MED12L: variants seen among roughly 807,000 people sequenced by gnomAD.
MED12L encodes mediator complex subunit 12L.
Under a neutral mutation model 281.3 loss-of-function variants are expected in MED12L, and 60 were observed. The ratio of observed to expected loss-of-function variants is 0.21; its 90% confidence interval spans 0.17 to 0.26. The LOEUF (loss-of-function observed/expected upper bound fraction) is 0.26, where lower values mean the gene tolerates loss of function less well. Ranked by LOEUF, MED12L falls within the 10% of genes least tolerant of loss-of-function variation. The pLI is 1.00. For synonymous variants in MED12L, 974 were observed against 987.2 expected, an observed-to-expected ratio of 0.99 and a Z score of 0.25; for missense variants, 2,146 against 2,680.9, an observed-to-expected ratio of 0.80 and a Z score of 4.41.
intron 2 of MED12L, among the ~76,000 whole-genome samples, chr3:151,109,209 C>T (rs1711511599): frequency 6.6e-6 from 1 of 152,082 alleles, no homozygotes; most frequent in Non-Finnish European, 1.5e-5. Context: ...CCACCAGCCA[C>T]CACGCCCGGC....
chr3:151,107,876 G>A (rs760379215), intron 2 of MED12L, among the ~76,000 whole-genome samples: 4 of 152,064 alleles, frequency 2.6e-5, no homozygotes, highest in Middle Eastern at 3.2e-3. Flanking sequence ...GCATTCAAAC[G>A]CAGATCCATG....
chr3:151,225,984 G>A (rs1730417537), intron 16 of MED12L, among the ~76,000 whole-genome samples: 1 of 152,112 alleles, frequency 6.6e-6, no homozygotes, highest in Non-Finnish European at 1.5e-5. Context: ...CTTTGCCAAG[G>A]CCTTTTGTTC....
chr3:151,282,766 C>T (rs1338963333), intron 16 of MED12L, among the ~76,000 whole-genome samples: 3 of 152,128 alleles, frequency 2.0e-5, no homozygotes, highest in Non-Finnish European at 1.5e-5. Context: ...ATGTCACGCT[C>T]AGGACTTCCT....
At chr3:151,094,267 G>C (rs961194931) in intron 2 of MED12L, among the ~76,000 whole-genome samples, 2 of 152,212 alleles carry the variant, frequency 1.3e-5, no homozygotes, top group African/African-American at 4.8e-5. Flanking sequence ...GAGGTTCTGG[G>C]AACACCATTC....
intron 1 of MED12L, among the ~76,000 whole-genome samples, chr3:151,086,172 C>T (rs1719149872): frequency 6.6e-6 from 1 of 152,196 alleles, no homozygotes; most frequent in African/African-American, 2.4e-5. Flanking sequence ...GCCTCGGCGC[C>T]TGCCCGGAGC....
chr3:151,374,429 TC>T (rs1166742755), intron 27 of MED12L, among the ~76,000 whole-genome samples: 1 of 152,142 alleles, frequency 6.6e-6, no homozygotes, highest in Non-Finnish European at 1.5e-5. Context: ...ATGCCTGTCA[TC>T]CCAGCTACTT....
intron 5 of MED12L, among the ~76,000 whole-genome samples, chr3:151,154,920 T>C (rs1257459494): frequency 1.3e-5 from 2 of 152,250 alleles, no homozygotes; most frequent in African/African-American, 4.8e-5. Context: ...CTAGTATTTG[T>C]TCGTCTTTTC....
Position 151,160,056 on chromosome 3 carries a change from T to C in MED12L, c.1062T>C (p.Cys354=), listed in dbSNP as rs1360827487. The C allele has an allele frequency of 3.1e-6, 5 of 1,613,894 alleles. No homozygotes were observed. The African/African-American group carries it at 5.3e-5, about 17-fold the overall frequency. ...VQLAFSDFLS[C]AQHGPLVYGL... ...TGGCCTTCTCAGATTTTCTTTCCTG[T>C]GCACAGCATGGTCCCCTGGTTTATG... The change falls in exon 8 of 45, where the codon TGT becomes TGC. Residue 354 remains cysteine (C), a synonymous_variant. Coordinates refer to ENST00000687756, the MANE Select transcript of MED12L (RefSeq NM_001393769.1).
At chr3:151,338,161 C>T (rs1751281983) in intron 16 of MED12L, 5 of 1,613,900 alleles carry the variant, frequency 3.1e-6, no homozygotes, top group Admixed American at 1.7e-5. Context: ...TTCCTGGGGA[C>T]TTTACCTACA....
chr3:151,366,073 A>C, intron 23 of MED12L, 82 bp downstream of exon 23: 1 of 1,171,326 alleles, frequency 8.5e-7, no homozygotes, highest in Non-Finnish European at 1.2e-6. Flanking sequence ...TTTGGCTTTT[A>C]TTTAATTGAT....
At chr3:151,182,342 A>G (rs1423620772) in intron 11 of MED12L, among the ~76,000 whole-genome samples, 1 of 150,844 alleles carries the variant, frequency 6.6e-6, no homozygotes, top group Non-Finnish European at 1.5e-5. Context: ...GGGCCTGCTG[A>G]GTGGCTTTAT....
intron 16 of MED12L, among the ~76,000 whole-genome samples, chr3:151,242,816 C>T (rs2149391790): frequency 6.6e-6 from 1 of 151,612 alleles, no homozygotes; most frequent in Non-Finnish European, 1.5e-5. Context: ...TCAAATTACT[C>T]TGAGCTACGG....
chr3:151,092,018 G>T (rs1317462314), intron 2 of MED12L, among the ~76,000 whole-genome samples: 2 of 152,152 alleles, frequency 1.3e-5, no homozygotes, highest in Non-Finnish European at 2.9e-5. Context: ...GGATGCTGGG[G>T]GTCTCCTGTT....
intron 39 of MED12L, among the ~76,000 whole-genome samples, chr3:151,401,372 G>A (rs937607718): frequency 1.3e-5 from 2 of 151,636 alleles, no homozygotes; most frequent in East Asian, 1.9e-4. Flanking sequence ...ACCTGAACAT[G>A]GAAATGCTGA....
chr3:151,347,852 A>G (rs747183871), intron 16 of MED12L, among the ~76,000 whole-genome samples: 12 of 152,154 alleles, frequency 7.9e-5, no homozygotes, highest in Non-Finnish European at 1.6e-4. Flanking sequence ...AGAGGTTTAG[A>G]AAGGTTTATT....
chr3:151,114,675 C>T (rs190436864), intron 2 of MED12L, among the ~76,000 whole-genome samples: 165 of 151,866 alleles, frequency 1.1e-3, no homozygotes, highest in African/African-American at 3.7e-3. Context: ...AAATCTCTCC[C>T]TCTTATTCTT....
chr3:151,119,547 C>T (rs565887178), intron 3 of MED12L, among the ~76,000 whole-genome samples: 1 of 152,268 alleles, frequency 6.6e-6, no homozygotes, highest in East Asian at 1.9e-4. Flanking sequence ...ACATTAATTA[C>T]CTCCTTAAGG....
chr3:151,098,508 G>C (rs756400809), intron 2 of MED12L, among the ~76,000 whole-genome samples: 14 of 152,204 alleles, frequency 9.2e-5, no homozygotes, highest in Non-Finnish European at 1.5e-4. Context: ...CCTTCAGCCT[G>C]TGGTGGCTCC....
At chr3:151,245,138 A>T (rs909704809) in intron 16 of MED12L, among the ~76,000 whole-genome samples, 5 of 152,374 alleles carry the variant, frequency 3.3e-5, no homozygotes, top group African/African-American at 1.2e-4. Flanking sequence ...TAGCTTAGCA[A>T]CCAAAAAGAG....
Sources: gnomAD v4.1 joint callset for allele counts (sites outside exome capture counted in the v4.1 genomes callset) on GRCh38, gnomAD v4.1.1 for gene constraint, MANE v1.5 for transcripts, NCBI Gene and HGNC (gene_info 2026-07-23, HGNC 2026-07-21) for gene names.